Variants in DYSF observed in about 807,000 individuals in gnomAD.
The protein encoded by DYSF is dysferlin.
DYSF carries 212 observed loss-of-function variants against 274.9 expected under a neutral mutation model. The observed-to-expected ratio is 0.77, with a 90% CI of 0.69 to 0.86. The LOEUF (loss-of-function observed/expected upper bound fraction) is 0.86, where lower values mean the gene tolerates loss of function less well. DYSF is among the 40% of genes least tolerant of loss of function. The pLI is 0.00. For missense variants in DYSF, 2,666 were observed against 2,783.2 expected, an observed-to-expected ratio of 0.96 and a Z score of 0.95; for synonymous variants, 1,091 against 1,078.7, an observed-to-expected ratio of 1.01 and a Z score of -0.22.
At chr2:71,478,716 G>C (rs765899368) in intron 1 of DYSF, among the ~76,000 whole-genome samples, 11 of 152,062 alleles carry the variant, frequency 7.2e-5, no homozygotes, top group Non-Finnish European at 8.8e-5. Context: ...GAATCTCTGC[G>C]GGACTCACTA....
Position 71,667,471 on chromosome 2 carries a change from G to A in DYSF, c.5413G>A (p.Glu1805Lys), listed in dbSNP as rs771402331. 5.6e-6 allele frequency: 9 copies of A among 1,614,136 alleles called. No homozygotes were observed. Among genetic ancestry groups the A allele is most frequent in the Non-Finnish European group, 7.6e-6 (9 of 1,180,026 alleles). Reference protein sequence around the residue: ...QQQGLVPEHVESRPLYSPLQP... With the variant: ...QQQGLVPEHVKSRPLYSPLQP... ...GCAGGGCCTGGTCCCGGAGCACGTG[G>A]AGTCACGGCCCCTCTACAGCCCCCT... is the stretch of plus-strand genomic sequence containing the variant. The change falls in exon 48 of 56, where the codon GAG (glutamate) becomes AAG (lysine). Residue 1805 changes from glutamate to lysine, a missense_variant. This residue lies in a region of DYSF where 1,460 missense variants were observed against 1,502.1 expected (regional missense o/e 0.97). Coordinates refer to ENST00000410020, the MANE Select transcript of DYSF (RefSeq NM_001130987.2).
chr2:71,596,759 A>G (rs2093418906), intron 32 of DYSF, among the ~76,000 whole-genome samples: 1 of 152,194 alleles, frequency 6.6e-6, no homozygotes, highest in Admixed American at 6.5e-5. Flanking sequence ...ATTTTCCTGC[A>G]GGAAGTCCTC....
chr2:71,564,014 C>T, intron 23 of DYSF, 44 bp from the exon 24 acceptor site: 4 of 1,611,726 alleles, frequency 2.5e-6, no homozygotes, highest in Non-Finnish European at 3.4e-6. Flanking sequence ...GGGCGTGGGC[C>T]TGGTGTGTCA....
At chr2:71,609,429 A>C (rs1324565040) in intron 36 of DYSF, among the ~76,000 whole-genome samples, 1 of 150,936 alleles carries the variant, frequency 6.6e-6, no homozygotes, top group Admixed American at 6.6e-5. Context: ...AGCTCTCTTG[A>C]AGTCACCCTG....
chr2:71,549,426 G>A (rs1250619419), intron 17 of DYSF: 4 of 1,605,646 alleles, frequency 2.5e-6, no homozygotes, highest in East Asian at 2.2e-5. Context: ...AACCAGGGGA[G>A]TGGGGCCTTG....
intron 4 of DYSF, among the ~76,000 whole-genome samples, chr2:71,510,582 G>A (rs1255525365): frequency 6.6e-6 from 1 of 152,162 alleles, no homozygotes; most frequent in African/African-American, 2.4e-5. Flanking sequence ...TAGTGTGGCT[G>A]TCCCCAGGCC....
At chr2:71,505,921 G>A (rs1254432542) in intron 4 of DYSF, among the ~76,000 whole-genome samples, 1 of 152,206 alleles carries the variant, frequency 6.6e-6, no homozygotes, top group East Asian at 1.9e-4. Flanking sequence ...TTGGGAGCGG[G>A]GACCTGAGGC....
chr2:71,622,465 T>C (rs2152897919), intron 41 of DYSF, among the ~76,000 whole-genome samples: 1 of 152,316 alleles, frequency 6.6e-6, no homozygotes, highest in South Asian at 2.1e-4. Context: ...CAAATACCAT[T>C]TGATATTTGA....
chr2:71,673,297 G>A (rs543651218), intron 51 of DYSF, among the ~76,000 whole-genome samples: 178 of 152,308 alleles, frequency 1.2e-3, no homozygotes, highest in Non-Finnish European at 2.2e-3. Flanking sequence ...CCCGGCCTCC[G>A]CATGTGCAGT....
At chr2:71,503,174 T>C in intron 3 of DYSF, 40 bp from the exon 4 acceptor site, 2 of 1,587,686 alleles carry the variant, frequency 1.3e-6, no homozygotes, top group East Asian at 4.5e-5. Flanking sequence ...CCAGGGTGCC[T>C]TAGGCTAGTT....
intron 33 of DYSF, among the ~76,000 whole-genome samples, chr2:71,599,415 C>T (rs1473728428): frequency 6.6e-6 from 1 of 152,260 alleles, no homozygotes; most frequent in African/African-American, 2.4e-5. Flanking sequence ...TAAATAGCTG[C>T]AGGTGGCTGG....
intron 51 of DYSF, 110 bp downstream of exon 51, chr2:71,669,856 A>G: frequency 6.8e-7 from 1 of 1,464,750 alleles, no homozygotes; most frequent in South Asian, 1.2e-5. Flanking sequence ...CTGCTGCCCC[A>G]CCATGTTGGA....
intron 10 of DYSF, 116 bp from the exon 11 acceptor site, chr2:71,520,062 G>A (rs1282940548): frequency 6.7e-6 from 8 of 1,198,354 alleles, no homozygotes; most frequent in South Asian, 2.4e-5. Flanking sequence ...TTGACTGCCT[G>A]TGTTTCCAAA....
intron 1 of DYSF, among the ~76,000 whole-genome samples, chr2:71,467,389 T>C (rs574815078): frequency 6.6e-6 from 1 of 152,202 alleles, no homozygotes; most frequent in Non-Finnish European, 1.5e-5. Context: ...ATTGGCTGTA[T>C]TGAATCTGCC....
chr2:71,618,411 T>TGGCATGTGTGGTAGAGGTGG (rs142055039), intron 40 of DYSF, among the ~76,000 whole-genome samples: 7 of 4,712 alleles, frequency 1.5e-3, no homozygotes, highest in Non-Finnish European at 2.5e-3. Flanking sequence ...GTGGTAGAGG[T>TGGCATGTGTGGTAGAGGTGG]GGTGTGTGTG....
At chr2:71,500,878 C>T (rs1469748242) in intron 3 of DYSF, among the ~76,000 whole-genome samples, 1 of 152,038 alleles carries the variant, frequency 6.6e-6, no homozygotes, top group Non-Finnish European at 1.5e-5. Flanking sequence ...CAGCCATTCT[C>T]CTGCTTGAAC....
intron 22 of DYSF, among the ~76,000 whole-genome samples, chr2:71,560,058 C>T (rs1420077107): frequency 2.9e-4 from 44 of 152,330 alleles, no homozygotes; most frequent in Admixed American, 2.6e-3. Flanking sequence ...CCAAGTCAGC[C>T]GGCGTTGGCG....
At chr2:71,575,361 A>C (rs1368894069) in intron 30 of DYSF, among the ~76,000 whole-genome samples, 1 of 152,174 alleles carries the variant, frequency 6.6e-6, no homozygotes, top group Non-Finnish European at 1.5e-5. Context: ...TGGGGGCCTG[A>C]GGACGTCAGA....
At chr2:71,507,892 T>G (rs1452053685) in intron 4 of DYSF, among the ~76,000 whole-genome samples, 1 of 152,246 alleles carries the variant, frequency 6.6e-6, no homozygotes, top group East Asian at 1.9e-4. Flanking sequence ...TAGGCTCAAG[T>G]GATCCTCTCG....
Sources: allele counts gnomAD v4.1 joint callset (sites outside exome capture counted in the v4.1 genomes callset), GRCh38; gene constraint gnomAD v4.1.1; regional missense constraint gnomAD v4.1.1; transcripts MANE v1.5; gene names NCBI Gene and HGNC (gene_info 2026-07-23, HGNC 2026-07-21).